Variants in SLC25A12 observed in about 807,000 individuals in gnomAD.
The protein encoded by SLC25A12 is solute carrier family 25 member 12, also known as electrogenic aspartate/glutamate antiporter SLC25A12, mitochondrial.
In SLC25A12, 32 loss-of-function variants were observed where a neutral mutation model predicts 83.3. That is an observed-to-expected ratio of 0.38 (90% CI 0.29 to 0.52). SLC25A12 has a LOEUF of 0.52. Ranked by LOEUF, SLC25A12 falls within the 20% of genes least tolerant of loss-of-function variation. The probability of loss-of-function intolerance (pLI) is 0.84; values close to 1 mark genes in which losing one functional copy is unlikely to be tolerated. For missense variants in SLC25A12, 611 were observed against 835.6 expected, an observed-to-expected ratio of 0.73 and a Z score of 3.31; for synonymous variants, 267 against 291.1, an observed-to-expected ratio of 0.92 and a Z score of 0.84.
chr2:171,884,190 C>CA (rs1167101003), intron 2 of SLC25A12, among the ~76,000 whole-genome samples: 9 of 134,640 alleles, frequency 6.7e-5, no homozygotes, highest in Non-Finnish European at 1.1e-4. Context: ...AATCTGTGGG[C>CA]TTTTTTTTTT....
chr2:171,819,161 T>C (rs1376508952), intron 9 of SLC25A12, among the ~76,000 whole-genome samples: 2 of 138,996 alleles, frequency 1.4e-5, no homozygotes, highest in Non-Finnish European at 3.0e-5. Flanking sequence ...ATATATGATA[T>C]ATAATACGTA....
intron 9 of SLC25A12, among the ~76,000 whole-genome samples, chr2:171,818,096 G>C (rs557723926): frequency 6.6e-6 from 1 of 152,000 alleles, no homozygotes; most frequent in Admixed American, 6.6e-5. Flanking sequence ...CTTGTATTCA[G>C]GTATGTAAAT....
At chr2:171,876,934 C>A (rs1393793821) in intron 2 of SLC25A12, among the ~76,000 whole-genome samples, 1 of 152,182 alleles carries the variant, frequency 6.6e-6, no homozygotes, top group Non-Finnish European at 1.5e-5. Flanking sequence ...CTGACAGTAT[C>A]TGAAATGTAT....
intron 9 of SLC25A12, among the ~76,000 whole-genome samples, chr2:171,819,371 ATATAT>A (rs1363451383): frequency 1.4e-4 from 6 of 42,288 alleles, no homozygotes; most frequent in Non-Finnish European, 1.9e-4. Flanking sequence ...ATTATATATA[ATATAT>A]TATATATAAT....
chr2:171,800,388 C>T (rs1396950292), intron 13 of SLC25A12, among the ~76,000 whole-genome samples: 1 of 151,804 alleles, frequency 6.6e-6, no homozygotes, highest in African/African-American at 2.4e-5. Flanking sequence ...AGATAATCAA[C>T]ATCTTTAGGA....
At chr2:171,823,995 A>G (rs1001194713) in intron 9 of SLC25A12, among the ~76,000 whole-genome samples, 1 of 152,076 alleles carries the variant, frequency 6.6e-6, no homozygotes, top group Non-Finnish European at 1.5e-5. Flanking sequence ...TTTGGGGACA[A>G]TGTAAGAATA....
chr2:171,874,891 T>C (rs1685531784), intron 2 of SLC25A12, among the ~76,000 whole-genome samples: 1 of 152,124 alleles, frequency 6.6e-6, no homozygotes, highest in Admixed American at 6.5e-5. Flanking sequence ...TAGAACTAAA[T>C]TGAAAGGAAA....
intron 3 of SLC25A12, among the ~76,000 whole-genome samples, chr2:171,867,602 G>A (rs1685363085): frequency 6.6e-6 from 1 of 152,174 alleles, no homozygotes; most frequent in Non-Finnish European, 1.5e-5. Flanking sequence ...GGCATCAGAG[G>A]GAGACCATGG....
intron 2 of SLC25A12, among the ~76,000 whole-genome samples, chr2:171,885,334 CT>C (rs539157497): frequency 3.8e-4 from 54 of 140,816 alleles, no homozygotes; most frequent in Admixed American, 7.2e-4. Flanking sequence ...TAATACTGTT[CT>C]TTTTTTTTTT....
chr2:171,892,632 CTTTTT>C (rs1261552695), intron 2 of SLC25A12, among the ~76,000 whole-genome samples: 3 of 149,666 alleles, frequency 2.0e-5, no homozygotes, highest in Admixed American at 6.6e-5. Context: ...TTTTTCTTTT[CTTTTT>C]AAGTCTACAG....
At chr2:171,870,057 G>A (rs904272633) in intron 2 of SLC25A12, among the ~76,000 whole-genome samples, 3 of 152,032 alleles carry the variant, frequency 2.0e-5, no homozygotes, top group South Asian at 4.2e-4. Context: ...TGTGTCACAA[G>A]GGAAAGAATC....
In SLC25A12 at chr2:171,795,758, C is replaced by G. The variant is rs187077462; in HGVS notation, c.1306-1991G>C. Among the ~76,000 whole-genome samples, 56 of 152,024 alleles carry G rather than the reference C, an allele frequency of 3.7e-4. 1 individual carries two copies. Among genetic ancestry groups the G allele is most frequent in the African/African-American group, 1.3e-3 (55 of 41,444 alleles). On this transcript the variant is annotated intron_variant, in intron 13 of 17. Transcript: ENST00000422440. Reference sequence around the variant, plus strand: ...TATAACATCCTGCTGGGCAGGAGTACTCCAATCCGTGTCCCCCACCCCCAC... The same window carrying G: ...TATAACATCCTGCTGGGCAGGAGTAGTCCAATCCGTGTCCCCCACCCCCAC...
chr2:171,825,569 GTCTCTCTC>G (rs140552995), intron 9 of SLC25A12, among the ~76,000 whole-genome samples: 4 of 149,678 alleles, frequency 2.7e-5, no homozygotes, highest in African/African-American at 9.8e-5. Context: ...TTTAGTAACT[GTCTCTCTC>G]TCTCTCTCTC....
intron 4 of SLC25A12, among the ~76,000 whole-genome samples, chr2:171,848,495 C>T (rs1684846570): frequency 6.6e-6 from 1 of 152,150 alleles, no homozygotes; most frequent in Non-Finnish European, 1.5e-5. Context: ...GGACTCCCAC[C>T]ATGAATGGTG....
chr2:171,875,684 C>T (rs867653488), intron 2 of SLC25A12, among the ~76,000 whole-genome samples: 2 of 151,822 alleles, frequency 1.3e-5, no homozygotes, highest in South Asian at 2.1e-4. Context: ...GAGGCGGAGA[C>T]GGGTGGATCA....
chr2:171,857,413 A>G (rs1354887437), intron 3 of SLC25A12, among the ~76,000 whole-genome samples: 1 of 152,068 alleles, frequency 6.6e-6, no homozygotes, highest in Non-Finnish European at 1.5e-5. Context: ...GGCAGGGCAC[A>G]GTAGCTCACG....
At chr2:171,809,483 T>C in intron 13 of SLC25A12, 123 bp downstream of exon 13, 4 of 810,548 alleles carry the variant, frequency 4.9e-6, no homozygotes, top group East Asian at 2.4e-5. Context: ...CATATGATTA[T>C]TGAGAAAACC....
intron 2 of SLC25A12, among the ~76,000 whole-genome samples, chr2:171,875,141 A>C (rs1353548601): frequency 1.3e-5 from 2 of 152,252 alleles, no homozygotes; most frequent in South Asian, 2.1e-4. Context: ...TCAGCCTCTG[A>C]TAGGTTGCTT....
At chr2:171,839,923 T>A (rs1012125998) in intron 5 of SLC25A12, among the ~76,000 whole-genome samples, 1 of 152,178 alleles carries the variant, frequency 6.6e-6, no homozygotes, top group Admixed American at 6.5e-5. Flanking sequence ...GCCTCCACCC[T>A]TTCCCAACCT....
Sources: gnomAD v4.1 joint callset for allele counts (sites outside exome capture counted in the v4.1 genomes callset) on GRCh38, gnomAD v4.1.1 for gene constraint, MANE v1.5 for transcripts, NCBI Gene and HGNC (gene_info 2026-07-23, HGNC 2026-07-21) for gene names.